SNX30: variants seen among roughly 807,000 people sequenced by gnomAD.
SNX30 encodes the protein sorting nexin-30.
In SNX30, 24 loss-of-function variants were observed where a neutral mutation model predicts 46.4. That is an observed-to-expected ratio of 0.52 (90% CI 0.37 to 0.73). The LOEUF (loss-of-function observed/expected upper bound fraction) is 0.73, where lower values mean the gene tolerates loss of function less well. Among genes scored for constraint, SNX30 ranks in the 30% least tolerant of loss-of-function variants. The pLI, the probability that SNX30 is intolerant of heterozygous loss-of-function variation, is 0.00. For missense variants in SNX30, 533 were observed against 555.7 expected (o/e 0.96, Z 0.41); for synonymous variants, 189 against 211.5 (o/e 0.89, Z 0.92).
intron 6 of SNX30, among the ~76,000 whole-genome samples, chr9:112,839,614 C>A (rs79948377): frequency 0.068 from 10,358 of 152,216 alleles, 451 homozygotes; most frequent in Non-Finnish European, 0.099. Flanking sequence ...CAGGAGACTC[C>A]GACGATGGGG....
At chr9:112,823,470 G>T (rs569593004) in intron 3 of SNX30, among the ~76,000 whole-genome samples, 1 of 152,300 alleles carries the variant, frequency 6.6e-6, no homozygotes. Context: ...TGACACTTCT[G>T]CATTTCCTGG....
At chr9:112,853,018 C>A (rs917991942) in intron 7 of SNX30, among the ~76,000 whole-genome samples, 4 of 152,090 alleles carry the variant, frequency 2.6e-5, no homozygotes, top group Admixed American at 6.5e-5. Flanking sequence ...CATCTGAGGC[C>A]CGGGGGAAGG....
intron 1 of SNX30, among the ~76,000 whole-genome samples, chr9:112,796,526 GT>G (rs1462593776): frequency 6.6e-6 from 1 of 152,304 alleles, no homozygotes; most frequent in Admixed American, 6.5e-5. Context: ...GAGAGGGGCT[GT>G]TGAAGGTATG....
Position 112,872,802 on chromosome 9 carries a change from C to T in SNX30, c.*3959C>T, listed in dbSNP as rs1841467198. 6.6e-6 allele frequency: 1 copy of T among 152,174 alleles called. No homozygotes were observed. Among genetic ancestry groups the T allele is most frequent in the Admixed American group, 6.5e-5 (1 of 15,284 alleles). 9.4% of individuals were successfully genotyped at this position (152,174 alleles called of 1,614,324 possible). Reference sequence around the variant, plus strand: ...TCAAGATGGCAGCAGATGGACACACCCTCTCATTTCTTGTGTCTTGTCTGT... The same window carrying T: ...TCAAGATGGCAGCAGATGGACACACTCTCTCATTTCTTGTGTCTTGTCTGT... On this transcript the variant is annotated 3_prime_UTR_variant, in exon 9 of 9. Coordinates refer to ENST00000374232, the MANE Select transcript of SNX30 (RefSeq NM_001012994.2).
chr9:112,809,770 C>T (rs1027212896), intron 2 of SNX30, among the ~76,000 whole-genome samples: 4 of 151,646 alleles, frequency 2.6e-5, no homozygotes, highest in African/African-American at 7.3e-5. Flanking sequence ...TTAGAGTGAG[C>T]GAGGGGTAAG....
At chr9:112,771,160 G>A (rs892632462) in intron 1 of SNX30, among the ~76,000 whole-genome samples, 1 of 152,156 alleles carries the variant, frequency 6.6e-6, no homozygotes, top group South Asian at 2.1e-4. Flanking sequence ...CTTCTTGAAG[G>A]CAAGGGGCCT....
rs975068155 is a variant in SNX30, at chr9:112,859,648, G to C, written c.1102-4599G>C. ...TTTTTTTGAGACAGAGTCTTTCTCTGTCGCCCAGGCTAGAGTGCAGTGGCG... is the reference window on the plus strand; with the variant it reads ...TTTTTTTGAGACAGAGTCTTTCTCTCTCGCCCAGGCTAGAGTGCAGTGGCG... On this transcript the variant is annotated intron_variant, in intron 7 of 8. Transcript: ENST00000374232. Among the ~76,000 whole-genome samples, 4 of 152,154 alleles carry C rather than the reference G, an allele frequency of 2.6e-5. No homozygotes were observed. The South Asian group carries it at 6.2e-4, about 24-fold the overall frequency.
At chr9:112,868,240 C>T (rs1433960834) in intron 8 of SNX30, among the ~76,000 whole-genome samples, 1 of 152,206 alleles carries the variant, frequency 6.6e-6, no homozygotes, top group Non-Finnish European at 1.5e-5. Context: ...ACTCAATAAA[C>T]ACTGGCTTCC....
At chr9:112,750,758 C>T (rs1346322583), upstream of SNX30, 1 of 154,312 alleles carries the variant, frequency 6.5e-6, no homozygotes, top group African/African-American at 2.4e-5. Context: ...GGGCTGGGCG[C>T]CGCGGCCGTG....
Position 112,870,358 on chromosome 9 carries a change from C to G in SNX30, c.*1515C>G, listed in dbSNP as rs1841426255. 6.6e-6 allele frequency: 1 copy of G among 152,226 alleles called. No individual in the cohort carries two copies. The highest frequency in any genetic ancestry group is 2.4e-5 in the African/African-American group (1 of 41,440). The allele number at this position is 152,226 out of a possible 1,614,324, so 9.4% of individuals were successfully genotyped here. On this transcript the variant is annotated 3_prime_UTR_variant, in exon 9 of 9. Coordinates refer to ENST00000374232, the MANE Select transcript of SNX30 (RefSeq NM_001012994.2). ...TCACCTGGAAATACTGGTCAGCGGG[C>G]AGCACGTCAAGGTCACTTAAGCCCA...
intron 3 of SNX30, among the ~76,000 whole-genome samples, chr9:112,819,458 G>C (rs902435075): frequency 3.3e-5 from 5 of 151,976 alleles, no homozygotes; most frequent in African/African-American, 7.3e-5. Flanking sequence ...GTGGAGATGA[G>C]ATTTCAGCAT....
intron 1 of SNX30, among the ~76,000 whole-genome samples, chr9:112,785,100 A>G (rs2131379858): frequency 6.6e-6 from 1 of 152,326 alleles, no homozygotes; most frequent in East Asian, 1.9e-4. Flanking sequence ...CTATAGAATA[A>G]ATAGGGAGTG....
Position 112,871,830 on chromosome 9 carries a change from C to G in SNX30, c.*2987C>G, listed in dbSNP as rs1438785898. On this transcript the variant is annotated 3_prime_UTR_variant, in exon 9 of 9. Transcript: ENST00000374232. ...GCTTTTTCTTACTAATGTGGTAGATCTACACGAACATTCTAGGCTGTTCTG... is the reference window on the plus strand; with the variant it reads ...GCTTTTTCTTACTAATGTGGTAGATGTACACGAACATTCTAGGCTGTTCTG... 1.3e-5 allele frequency: 2 copies of G among 152,144 alleles called. No individual in the cohort carries two copies. The highest frequency in any genetic ancestry group is 2.4e-5 in the African/African-American group (1 of 41,428). The allele number at this position is 152,144 out of a possible 1,614,324, so 9.4% of individuals were successfully genotyped here. A position where few individuals can be genotyped will look rare whatever the true frequency, so the allele number is the denominator to read the frequency against.
chr9:112,763,460 G>A (rs1175843772), intron 1 of SNX30, among the ~76,000 whole-genome samples: 3 of 137,252 alleles, frequency 2.2e-5, no homozygotes, highest in Admixed American at 1.7e-4. Context: ...GGCTTCAAGC[G>A]ATCCTGCTAC....
In SNX30 at chr9:112,842,964, C is replaced by T. The variant is rs529359751; in HGVS notation, c.1014+4267C>T. On this transcript the variant is annotated intron_variant, in intron 6 of 8. Transcript: ENST00000374232. ...AAGCCCAGACTCAAGTTAAATACCT[C>T]GCAGACATCCACAGGTGAGCCCTTA... 9.2e-5 allele frequency among the ~76,000 whole-genome samples: 14 copies of T among 152,288 alleles called. No homozygotes were observed. The South Asian group carries it at 1.0e-3, about 11-fold the overall frequency.
At chr9:112,812,619 T>TG (rs1281695896) in intron 2 of SNX30, among the ~76,000 whole-genome samples, 3 of 152,206 alleles carry the variant, frequency 2.0e-5, no homozygotes, top group African/African-American at 7.2e-5. Context: ...AGGTTTTTCT[T>TG]GCTGTATTAA....
At chr9:112,806,959 C>T (rs1055017457) in intron 2 of SNX30, among the ~76,000 whole-genome samples, 12 of 150,982 alleles carry the variant, frequency 7.9e-5, no homozygotes, top group Non-Finnish European at 1.5e-4. Context: ...CAATCTCTGT[C>T]TAATTATTTA....
downstream of SNX30, among the ~76,000 whole-genome samples, chr9:112,876,233 G>C (rs1450159649): frequency 1.3e-5 from 2 of 152,168 alleles, no homozygotes; most frequent in Non-Finnish European, 2.9e-5. Flanking sequence ...AGAGATTCTT[G>C]GGGGGAGGAG....
At chr9:112,879,909 G>T, downstream of SNX30, 1 of 1,308,086 alleles carries the variant, frequency 7.6e-7, no homozygotes, top group Non-Finnish European at 1.1e-6. Context: ...ATAATTACAA[G>T]CCAGGCTTTA....
Sources: allele counts gnomAD v4.1 joint callset (sites outside exome capture counted in the v4.1 genomes callset), GRCh38; gene constraint gnomAD v4.1.1; transcripts MANE v1.5; gene names NCBI Gene and HGNC (gene_info 2026-07-23, HGNC 2026-07-21).